Variants in PHACTR3 observed in about 807,000 individuals in gnomAD.
PHACTR3 encodes protein phosphatase 1, regulatory subunit 123.
In PHACTR3, 16 loss-of-function variants were observed where a neutral mutation model predicts 66.8. The ratio of observed to expected loss-of-function variants is 0.24; its 90% CI spans 0.16 to 0.36. The LOEUF (loss-of-function observed/expected upper bound fraction) is 0.36, where lower values mean the gene tolerates loss of function less well. PHACTR3 is among the 10% of genes least tolerant of loss of function. The probability of loss-of-function intolerance (pLI) is 1.00; values close to 1 mark genes in which losing one functional copy is unlikely to be tolerated. For missense variants in PHACTR3, 647 were observed against 719.9 expected (o/e 0.90, Z 1.16); for synonymous variants, 323 against 292.1 (o/e 1.11, Z -1.08).
intron 9 of PHACTR3, 126 bp downstream of exon 9, chr20:59,836,686 AGCT>A: frequency 2.3e-6 from 2 of 865,254 alleles, no homozygotes; most frequent in Non-Finnish European, 3.5e-6. Context: ...AGTAAACCTG[AGCT>A]GCTGCTGAAT....
intron 1 of PHACTR3, among the ~76,000 whole-genome samples, chr20:59,674,397 T>TGTTCCTTCCCCTTCTCCTATCCCC (rs376873514): frequency 1.3e-5 from 1 of 78,560 alleles, no homozygotes; most frequent in African/African-American, 6.0e-5. Context: ...CTCCTGTTCC[T>TGTTCCTTCCCCTTCTCCTATCCCC]CCTTCTCCTG....
chr20:59,800,947 C>A (rs1184735), intron 7 of PHACTR3, among the ~76,000 whole-genome samples: 111,444 of 152,160 alleles, frequency 0.73, 46,042 homozygotes, highest in Non-Finnish European at 0.93. Flanking sequence ...TGTCTGTACA[C>A]CATGAAGTTT....
chr20:59,603,234 C>T (rs559016182), upstream of PHACTR3, among the ~76,000 whole-genome samples: 1 of 152,162 alleles, frequency 6.6e-6, no homozygotes, highest in South Asian at 2.1e-4. Flanking sequence ...CGGCTTCACC[C>T]TCCCCCTTTC....
At chr20:59,612,360 CTTT>C (rs11319260) in intron 1 of PHACTR3, among the ~76,000 whole-genome samples, 1 of 140,798 alleles carries the variant, frequency 7.1e-6, no homozygotes, top group African/African-American at 2.6e-5. Context: ...CCATCTTCAT[CTTT>C]TTTTTTTTTT....
Position 59,618,742 on chromosome 20 carries a change from G to A in PHACTR3, c.118+13610G>A, listed in dbSNP as rs546142675. On this transcript the variant is annotated intron_variant, in intron 1 of 12. Coordinates refer to ENST00000371015, the MANE Select transcript of PHACTR3 (RefSeq NM_080672.5). The stretch of plus-strand genomic sequence containing the variant: ...GTGCTGTCTCACCCTGAGCAGGGCC[G>A]AGAGCCTGAGAGGTGCTGTCTCACC... Among the ~76,000 whole-genome samples the A allele has an allele frequency of 1.1e-3, 165 of 152,090 alleles. 1 individual carries two copies. Among genetic ancestry groups the A allele is most frequent in the African/African-American group, 3.6e-3 (151 of 41,422 alleles).
At chr20:59,723,914 C>G (rs116746521) in intron 1 of PHACTR3, among the ~76,000 whole-genome samples, 2,030 of 152,086 alleles carry the variant, frequency 0.013, 49 homozygotes, top group African/African-American at 0.047. Context: ...TATGGTGACT[C>G]GATGTTGAAT....
Position 59,847,314 on chromosome 20 carries a change from C to A in PHACTR3, c.*184C>A. On this transcript the variant is annotated 3_prime_UTR_variant, in exon 13 of 13. Transcript: ENST00000371015. ...CTGCAAGAGGAGTAACCAGAGGACA[C>A]ACTTCCTTCCTTCTTTGGTGTCTGA... 2.1e-6 allele frequency: 1 copy of A among 467,428 alleles called. No homozygotes were observed. The highest frequency in any genetic ancestry group is 3.2e-5 in the Admixed American group (1 of 31,718). 29.0% of individuals were successfully genotyped at this position (467,428 alleles called of 1,614,324 possible).
At chr20:59,844,372 C>T (rs927917716) in intron 11 of PHACTR3, 1 of 152,070 alleles carries the variant, frequency 6.6e-6, no homozygotes, top group African/African-American at 2.4e-5. Flanking sequence ...CTGTTCACTG[C>T]AGCATTATTA....
intron 1 of PHACTR3, among the ~76,000 whole-genome samples, chr20:59,742,691 A>G (rs559999202): frequency 6.6e-5 from 10 of 152,308 alleles, no homozygotes; most frequent in Admixed American, 2.6e-4. Flanking sequence ...AGAGGAAGGT[A>G]AAGACTCTGG....
intron 1 of PHACTR3, among the ~76,000 whole-genome samples, chr20:59,661,832 C>T (rs536486373): frequency 1.3e-5 from 2 of 152,058 alleles, no homozygotes; most frequent in African/African-American, 4.8e-5. Flanking sequence ...CGACTGGCTT[C>T]GGCAGTTAGG....
chr20:59,794,219 A>G (rs1415418043), intron 7 of PHACTR3, among the ~76,000 whole-genome samples: 3 of 151,736 alleles, frequency 2.0e-5, no homozygotes, highest in Non-Finnish European at 2.9e-5. Context: ...GATGTTAACT[A>G]TGGATTTGTC....
chr20:59,774,759 A>G (rs1014928568), intron 7 of PHACTR3, among the ~76,000 whole-genome samples: 10 of 144,744 alleles, frequency 6.9e-5, no homozygotes, highest in African/African-American at 2.4e-4. Context: ...TGTGTATGTG[A>G]AAAAAAAAAA....
chr20:59,643,032 T>C (rs2035161021), intron 1 of PHACTR3, among the ~76,000 whole-genome samples: 1 of 152,046 alleles, frequency 6.6e-6, no homozygotes, highest in South Asian at 2.1e-4. Flanking sequence ...CTGCCTCAGC[T>C]TCCTGAGTAG....
chr20:59,831,650 T>C (rs2042384664), intron 8 of PHACTR3, among the ~76,000 whole-genome samples: 1 of 152,082 alleles, frequency 6.6e-6, no homozygotes, highest in Non-Finnish European at 1.5e-5. Context: ...CTGCAGGGCC[T>C]TCTGCAGCTT....
chr20:59,734,736 G>A (rs1193275525), intron 1 of PHACTR3, among the ~76,000 whole-genome samples: 1 of 151,958 alleles, frequency 6.6e-6, no homozygotes, highest in East Asian at 1.9e-4. Context: ...TAGAGACTGG[G>A]GACCTCAGAC....
At chr20:59,669,993 A>G (rs1285760800) in intron 1 of PHACTR3, among the ~76,000 whole-genome samples, 1 of 152,218 alleles carries the variant, frequency 6.6e-6, no homozygotes, top group East Asian at 1.9e-4. Flanking sequence ...TCATCTCTCT[A>G]TGTGCCCAGT....
intron 8 of PHACTR3, among the ~76,000 whole-genome samples, chr20:59,817,375 G>T (rs2145404806): frequency 6.6e-6 from 1 of 152,346 alleles, no homozygotes. Flanking sequence ...AGGCCCTCAG[G>T]TGAGGATACT....
At chr20:59,674,537 C>T (rs1320440583) in intron 1 of PHACTR3, among the ~76,000 whole-genome samples, 1 of 106,902 alleles carries the variant, frequency 9.4e-6, no homozygotes, top group Non-Finnish European at 1.8e-5. Flanking sequence ...TCTTCTGTCT[C>T]CCCTTCTGTT....
intron 8 of PHACTR3, among the ~76,000 whole-genome samples, chr20:59,825,813 A>G (rs1244468004): frequency 6.6e-6 from 1 of 152,122 alleles, no homozygotes; most frequent in Non-Finnish European, 1.5e-5. Flanking sequence ...TGTCCTCCCC[A>G]AATTCATGTG....
Sources: allele counts gnomAD v4.1 joint callset (sites outside exome capture counted in the v4.1 genomes callset), GRCh38; gene constraint gnomAD v4.1.1; transcripts MANE v1.5; gene names NCBI Gene and HGNC (gene_info 2026-07-23, HGNC 2026-07-21).